The following DLG2 variants were observed in gnomAD, a reference collection of about 807,000 sequenced individuals.
The protein encoded by DLG2 is disks large homolog 2.
DLG2 carries 45 observed loss-of-function variants against 132.5 expected under a neutral mutation model. That is an observed-to-expected ratio of 0.34 (90% CI 0.27 to 0.44). The LOEUF is 0.44. DLG2 is among the 20% of genes least tolerant of loss of function. The pLI is 1.00. For synonymous variants in DLG2, 424 were observed against 419.6 expected (o/e 1.01, Z -0.13); for missense variants, 1,045 against 1,196.9 (o/e 0.87, Z 1.87).
chr11:85,156,834 G>T (rs1028291010), intron 4 of DLG2, among the ~76,000 whole-genome samples: 1 of 152,202 alleles, frequency 6.6e-6, no homozygotes, highest in African/African-American at 2.4e-5. Flanking sequence ...CTCTTAGCCA[G>T]ATCAGAGCCC....
intron 18 of DLG2, among the ~76,000 whole-genome samples, chr11:83,679,910 A>T (rs2078444127): frequency 1.3e-5 from 2 of 152,128 alleles, no homozygotes; most frequent in Admixed American, 1.3e-4. Context: ...TTTGAACAGC[A>T]CCTTTAAACC....
intron 19 of DLG2, among the ~76,000 whole-genome samples, chr11:83,585,583 G>A (rs896299762): frequency 1.3e-5 from 2 of 152,174 alleles, no homozygotes; most frequent in African/African-American, 4.8e-5. Flanking sequence ...TGGGACTCAA[G>A]GATGAATAAC....
chr11:84,946,229 G>A (rs1214674970), intron 6 of DLG2, among the ~76,000 whole-genome samples: 1 of 152,150 alleles, frequency 6.6e-6, no homozygotes, highest in Non-Finnish European at 1.5e-5. Context: ...TGGTACCCAA[G>A]CTGCAAGGCA....
chr11:84,099,727 T>C (rs189898029), intron 9 of DLG2, among the ~76,000 whole-genome samples: 4 of 149,128 alleles, frequency 2.7e-5, no homozygotes, highest in African/African-American at 7.4e-5. Flanking sequence ...GTAACTGATA[T>C]CCTGTGGGTG....
At chr11:85,352,139 A>G (rs1305646773) in intron 3 of DLG2, among the ~76,000 whole-genome samples, 2 of 152,044 alleles carry the variant, frequency 1.3e-5, no homozygotes, top group East Asian at 1.9e-4. Flanking sequence ...TAGTCTTGGG[A>G]GGGTGTATGT....
chr11:84,623,062 T>C (rs1220127424), intron 6 of DLG2, among the ~76,000 whole-genome samples: 1 of 152,198 alleles, frequency 6.6e-6, no homozygotes, highest in Non-Finnish European at 1.5e-5. Flanking sequence ...TGCTTTCCAG[T>C]GGATCCTATC....
rs185431264 is a variant in DLG2, at chr11:83,775,830, C to T, written c.1825+10860G>A. Among the ~76,000 whole-genome samples, 717 of 151,986 alleles carry T rather than the reference C, an allele frequency of 4.7e-3. 2 individuals carry two copies. Among genetic ancestry groups the T allele is most frequent in the Non-Finnish European group, 6.5e-3 (443 of 67,984 alleles). On this transcript the variant is annotated intron_variant, in intron 18 of 27. Coordinates refer to ENST00000376104, the MANE Select transcript of DLG2 (RefSeq NM_001142699.3). ...ATGAATAGCCGGGCGCAGTGGCTCA[C>T]GCCTGTAATCCCAGCACCTTGGGAG... is the stretch of plus-strand genomic sequence containing the variant.
intron 3 of DLG2, among the ~76,000 whole-genome samples, chr11:85,462,905 G>A (rs550579197): frequency 3.2e-4 from 48 of 152,134 alleles, no homozygotes; most frequent in African/African-American, 1.1e-3. Context: ...GTGGGTCATC[G>A]ATCTGTTAAA....
chr11:83,471,031 A>T (rs1484681204), intron 24 of DLG2, among the ~76,000 whole-genome samples: 1 of 152,096 alleles, frequency 6.6e-6, no homozygotes, highest in Non-Finnish European at 1.5e-5. Flanking sequence ...TTAGAATCTA[A>T]TAAGGCTACA....
Position 83,768,978 on chromosome 11 carries a change from C to A in DLG2, c.1825+17712G>T, listed in dbSNP as rs1046212456. ...CCCTGGGATTTTATTCTATCATTCACAAAATGGGAATAACAGTGTTTACAG... is the reference window on the plus strand; with the variant it reads ...CCCTGGGATTTTATTCTATCATTCAAAAAATGGGAATAACAGTGTTTACAG... On this transcript the variant is annotated intron_variant, in intron 18 of 27. Transcript: ENST00000376104. 3.3e-5 allele frequency among the ~76,000 whole-genome samples: 5 copies of A among 152,270 alleles called. No homozygotes were observed. In the South Asian group the frequency reaches 1.0e-3, roughly 32 times the overall value.
At chr11:84,433,405 A>C (rs1410895211) in intron 7 of DLG2, among the ~76,000 whole-genome samples, 1 of 152,130 alleles carries the variant, frequency 6.6e-6, no homozygotes, top group Non-Finnish European at 1.5e-5. Context: ...TAATTAAGAG[A>C]TTTAAGTTGA....
chr11:84,791,234 C>T (rs1402606199), intron 6 of DLG2, among the ~76,000 whole-genome samples: 1 of 152,172 alleles, frequency 6.6e-6, no homozygotes, highest in Non-Finnish European at 1.5e-5. Context: ...CCTCCCTCAA[C>T]ACCAGCTGAA....
chr11:85,132,697 T>C (rs2075819741), intron 5 of DLG2: 1 of 456,564 alleles, frequency 2.2e-6, no homozygotes, highest in Non-Finnish European at 4.4e-6. Context: ...CTACTAGAAC[T>C]GTTTAATTAC....
At chr11:85,535,932 T>C (rs72953982) in intron 3 of DLG2, among the ~76,000 whole-genome samples, 4,329 of 150,066 alleles carry the variant, frequency 0.029, 97 homozygotes, top group East Asian at 0.097. Flanking sequence ...ATGTTTAAAA[T>C]AGTCCAAGTG....
chr11:83,531,404 T>C (rs1231155354), intron 21 of DLG2, among the ~76,000 whole-genome samples: 2 of 151,834 alleles, frequency 1.3e-5, no homozygotes, highest in African/African-American at 4.8e-5. Flanking sequence ...CACATGAAAA[T>C]ATGCTCAATA....
At chr11:84,879,663 T>C (rs1003018423) in intron 6 of DLG2, among the ~76,000 whole-genome samples, 2 of 152,124 alleles carry the variant, frequency 1.3e-5, no homozygotes, top group South Asian at 2.1e-4. Flanking sequence ...TTTTTAGGGC[T>C]AGGACGTTCA....
intron 3 of DLG2, among the ~76,000 whole-genome samples, chr11:85,510,562 G>C (rs184024267): frequency 0.022 from 3,377 of 151,898 alleles, 119 homozygotes; most frequent in African/African-American, 0.076. Context: ...AGTCGGCAAA[G>C]GATATGAACA....
At chr11:84,550,065 C>A (rs1307757922) in intron 6 of DLG2, among the ~76,000 whole-genome samples, 1 of 151,896 alleles carries the variant, frequency 6.6e-6, no homozygotes, top group Non-Finnish European at 1.5e-5. Context: ...ATTCCTATTT[C>A]TCTACCAGTG....
At chr11:83,831,374 A>C (rs1256227280) in intron 17 of DLG2, among the ~76,000 whole-genome samples, 1 of 152,214 alleles carries the variant, frequency 6.6e-6, no homozygotes, top group East Asian at 1.9e-4. Context: ...ATCCTTCCAG[A>C]GAACTGCACC....
Sources: gnomAD v4.1 joint callset for allele counts (sites outside exome capture counted in the v4.1 genomes callset) on GRCh38, gnomAD v4.1.1 for gene constraint, MANE v1.5 for transcripts, NCBI Gene and HGNC (gene_info 2026-07-23, HGNC 2026-07-21) for gene names.